Variants in SVOP observed in about 807,000 individuals in gnomAD.
The protein encoded by SVOP is SV2 related protein, also known as synaptic vesicle 2-related protein.
In SVOP, 17 loss-of-function variants were observed where a neutral mutation model predicts 69.1. The observed-to-expected ratio is 0.25, with a 90% CI of 0.17 to 0.37. The LOEUF (loss-of-function observed/expected upper bound fraction) is 0.37, where lower values mean the gene tolerates loss of function less well. SVOP is among the 10% of genes least tolerant of loss of function. The probability of loss-of-function intolerance (pLI) is 1.00; values close to 1 mark genes in which losing one functional copy is unlikely to be tolerated. For synonymous variants in SVOP, 238 were observed against 238.6 expected, an observed-to-expected ratio of 1.00 and a Z score of 0.02; for missense variants, 435 against 597.5, an observed-to-expected ratio of 0.73 and a Z score of 2.84.
intron 9 of SVOP, 34 bp downstream of exon 9, chr12:108,938,793 G>T: frequency 6.2e-7 from 1 of 1,613,478 alleles, no homozygotes; most frequent in Non-Finnish European, 8.5e-7. Context: ...ACCCCGATAC[G>T]CACATTGCAG....
chr12:109,018,898 A>G, intron 1 of SVOP, among the ~76,000 whole-genome samples: 1 of 152,226 alleles, frequency 6.6e-6, no homozygotes, highest in Non-Finnish European at 1.5e-5. Flanking sequence ...CAATAACCTT[A>G]TGAATTAAGT....
intron 5 of SVOP, among the ~76,000 whole-genome samples, chr12:108,970,035 A>T (rs2040069473): frequency 6.6e-6 from 1 of 152,132 alleles, no homozygotes; most frequent in Admixed American, 6.5e-5. Flanking sequence ...CTGGAGTTAC[A>T]TTCTTGGCAA....
intron 2 of SVOP, among the ~76,000 whole-genome samples, chr12:108,983,012 CATT>C (rs1281746196): frequency 1.3e-5 from 2 of 148,506 alleles, no homozygotes; most frequent in Non-Finnish European, 3.0e-5. Flanking sequence ...TCACCATCAT[CATT>C]ATCACCACCA....
In SVOP at chr12:108,927,567, A is replaced by G. The variant is rs201567195; in HGVS notation, c.1049-4770T>C. 1.4e-4 allele frequency among the ~76,000 whole-genome samples: 21 copies of G among 149,210 alleles called. No homozygotes were observed. The East Asian group carries it at 4.2e-3, about 30-fold the overall frequency. On this transcript the variant is annotated intron_variant, in intron 11 of 15. Coordinates refer to ENST00000610966, the MANE Select transcript of SVOP (RefSeq NM_018711.5). ...AATTAGAATTCACTGACGTATTCTAATGACAAAGACTCTCTCTCTCTCTTT... is the reference window on the plus strand; with the variant it reads ...AATTAGAATTCACTGACGTATTCTAGTGACAAAGACTCTCTCTCTCTCTTT...
At chr12:108,961,200 C>T (rs528227764) in intron 5 of SVOP, among the ~76,000 whole-genome samples, 153 bp from the exon 6 acceptor site, 2 of 152,252 alleles carry the variant, frequency 1.3e-5, no homozygotes, top group South Asian at 4.1e-4. Flanking sequence ...GAGTGCCAAC[C>T]CACAGGGGTT....
At chr12:108,993,880 G>A (rs754840707) in intron 1 of SVOP, among the ~76,000 whole-genome samples, 1 of 152,160 alleles carries the variant, frequency 6.6e-6, no homozygotes, top group Non-Finnish European at 1.5e-5. Context: ...GAACGTTTGC[G>A]TGCATTCTCA....
At chr12:108,932,891 G>A (rs146059019) in intron 11 of SVOP, among the ~76,000 whole-genome samples, 150 of 150,530 alleles carry the variant, frequency 1.0e-3, no homozygotes, top group African/African-American at 3.6e-3. Flanking sequence ...TTTTTTTTTC[G>A]TTTTTGAAAT....
In SVOP at chr12:108,915,665, A is replaced by G. The variant is rs137913034; in HGVS notation, c.1440+118T>C. On this transcript the variant is annotated intron_variant, in intron 15 of 15. Transcript: ENST00000610966. Reference sequence around the variant, plus strand: ...TTCTTCTGTCCTCGGGTGTGTTGTTATGATAAAATGAGCGAATGCAACCCG... The same window carrying G: ...TTCTTCTGTCCTCGGGTGTGTTGTTGTGATAAAATGAGCGAATGCAACCCG... 2.8e-4 allele frequency: 291 copies of G among 1,025,702 alleles called. 1 individual carries two copies. The African/African-American group carries it at 4.4e-3, about 16-fold the overall frequency. The allele number at this position is 1,025,702 out of a possible 1,614,324, so 63.5% of individuals were successfully genotyped here.
chr12:108,959,416 C>T (rs569742057), intron 6 of SVOP, among the ~76,000 whole-genome samples: 4 of 146,914 alleles, frequency 2.7e-5, no homozygotes, highest in East Asian at 2.0e-4. Flanking sequence ...TGCAGCAGTA[C>T]GATCTTGGCT....
chr12:108,912,884 T>C, intron 15 of SVOP, 143 bp from the exon 16 acceptor site: 1 of 889,722 alleles, frequency 1.1e-6, no homozygotes, highest in African/African-American at 1.7e-5. Context: ...CTCTCCCCCT[T>C]TGTCCCTCTC....
At chr12:108,997,161 G>A (rs112156873) in intron 1 of SVOP, among the ~76,000 whole-genome samples, 2 of 152,176 alleles carry the variant, frequency 1.3e-5, no homozygotes, top group African/African-American at 2.4e-5. Flanking sequence ...AGCGCAAGGG[G>A]TCAGGGAGTT....
chr12:108,941,008 G>A, intron 7 of SVOP, 99 bp from the exon 8 acceptor site: 1 of 1,440,546 alleles, frequency 6.9e-7, no homozygotes, highest in Non-Finnish European at 9.2e-7. Flanking sequence ...GTGGGTAAGG[G>A]GTCATCGGAG....
At chr12:108,970,785 T>C (rs756349211) in intron 5 of SVOP, among the ~76,000 whole-genome samples, 30 of 151,420 alleles carry the variant, frequency 2.0e-4, no homozygotes, top group Admixed American at 2.0e-4. Flanking sequence ...GAGGCTGAGG[T>C]GGGAGGACTG....
chr12:108,962,585 A>G (rs962422433), intron 5 of SVOP, among the ~76,000 whole-genome samples: 1 of 152,104 alleles, frequency 6.6e-6, no homozygotes, highest in Admixed American at 6.6e-5. Context: ...AGTAGCTGGG[A>G]TTACAGAGGC....
intron 5 of SVOP, among the ~76,000 whole-genome samples, chr12:108,964,750 ATTCCGT>A (rs2040035439): frequency 6.6e-6 from 1 of 152,118 alleles, no homozygotes; most frequent in African/African-American, 2.4e-5. Context: ...TATGACTGTC[ATTCCGT>A]CTAATATCTG....
At chr12:109,017,283 C>A (rs1008568443) in intron 1 of SVOP, among the ~76,000 whole-genome samples, 4 of 151,010 alleles carry the variant, frequency 2.6e-5, no homozygotes, top group Non-Finnish European at 5.9e-5. Context: ...AAGTTGCAGG[C>A]TCCTTATGAG....
intron 6 of SVOP, among the ~76,000 whole-genome samples, chr12:108,955,226 T>C (rs1362662652): frequency 6.6e-6 from 1 of 152,248 alleles, no homozygotes; most frequent in Non-Finnish European, 1.5e-5. Flanking sequence ...CAGGCATCTC[T>C]CTGAGCATCC....
intron 6 of SVOP, among the ~76,000 whole-genome samples, chr12:108,949,081 T>C (rs1228503758): frequency 6.6e-6 from 1 of 152,196 alleles, no homozygotes; most frequent in Non-Finnish European, 1.5e-5. Context: ...ATAACGTATA[T>C]CATGAAGTCT....
chr12:108,977,406 G>T lies in SVOP; in HGVS notation c.373C>A (p.Leu125Met), dbSNP rs970945386. The T allele has an allele frequency of 1.8e-5, 27 of 1,536,990 alleles. No individual in the cohort carries two copies. Among genetic ancestry groups the T allele is most frequent in the Non-Finnish European group, 2.2e-5 (25 of 1,146,880 alleles). ...WRLPSWQVAL[L>M]TSVVFVGMMS... ...GCTGCTGGGCTGCCTACCGAGGTCA[G>T]CAATGCCACCTGCCAGCTTGGGAGC... The change falls in exon 4 of 16, where the codon CTG (leucine) becomes ATG (methionine). Residue 125 changes from leucine to methionine, a missense_variant. Coordinates refer to ENST00000610966, the MANE Select transcript of SVOP (RefSeq NM_018711.5).
Sources: gnomAD v4.1 joint callset for allele counts (sites outside exome capture counted in the v4.1 genomes callset) on GRCh38, gnomAD v4.1.1 for gene constraint, MANE v1.5 for transcripts, NCBI Gene and HGNC (gene_info 2026-07-23, HGNC 2026-07-21) for gene names.